LIPC: variants seen among roughly 807,000 people sequenced by gnomAD.
LIPC encodes the protein hepatic triacylglycerol lipase.
Under a neutral mutation model 50.7 loss-of-function variants are expected in LIPC, and 44 were observed. The observed-to-expected ratio is 0.87, with a 90% confidence interval of 0.68 to 1.11. The LOEUF (loss-of-function observed/expected upper bound fraction) is 1.11, where lower values mean the gene tolerates loss of function less well. Among genes scored for constraint, LIPC ranks in the 50% most tolerant of loss-of-function variants. The pLI is 0.00. For missense variants in LIPC, 697 were observed against 648.2 expected (o/e 1.08, Z -0.82); for synonymous variants, 271 against 256.4 (o/e 1.06, Z -0.54).
At chr15:58,547,079 T>G (rs1893556691) in intron 5 of LIPC, among the ~76,000 whole-genome samples, 1 of 152,180 alleles carries the variant, frequency 6.6e-6, no homozygotes, top group Non-Finnish European at 1.5e-5. Flanking sequence ...ATTTTCCTGG[T>G]AAACACATTT....
intron 6 of LIPC, 82 bp downstream of exon 6, chr15:58,548,654 T>C (rs1255552337): frequency 6.6e-6 from 10 of 1,512,518 alleles, no homozygotes; most frequent in Non-Finnish European, 8.9e-6. Context: ...TTGGCTTCTT[T>C]CCTGGAGGTG....
At chr15:58,479,736 G>A (rs1052973159) in intron 1 of LIPC, among the ~76,000 whole-genome samples, 3 of 152,184 alleles carry the variant, frequency 2.0e-5, no homozygotes, top group Non-Finnish European at 4.4e-5. Context: ...CAGGTGTGGT[G>A]CCCAATTCAT....
intron 1 of LIPC, among the ~76,000 whole-genome samples, chr15:58,488,904 A>G (rs1891470306): frequency 6.6e-6 from 1 of 152,172 alleles, no homozygotes; most frequent in African/African-American, 2.4e-5. Flanking sequence ...GTTCTGGTTT[A>G]ATCACTAAAT....
At position 58,541,901 on chromosome 15, in the gene LIPC, C is replaced by T; in HGVS notation, c.390C>T (p.Tyr130=). The part of the protein sequence containing the change: ...VDWITLAHDH[Y]TIAVRNTRLV... ...GGATCACCCTGGCCCACGACCACTA[C>T]ACCATCGCCGTCCGCAACACCCGCC... is the stretch of plus-strand genomic sequence containing the variant. Residue 130 remains tyrosine, a synonymous_variant, in exon 3 of 9, where the codon TAC becomes TAT. Transcript: ENST00000299022. 1 of 1,612,104 alleles carries T rather than the reference C, an allele frequency of 6.2e-7. No homozygotes were observed. The highest frequency in any genetic ancestry group is 8.5e-7 in the Non-Finnish European group (1 of 1,179,978).
At chr15:58,439,961 T>C (rs145530763) in intron 1 of LIPC, among the ~76,000 whole-genome samples, 1 of 152,094 alleles carries the variant, frequency 6.6e-6, no homozygotes, top group Non-Finnish European at 1.5e-5. Flanking sequence ...AACACGAGGC[T>C]ACAGGGCAAA....
intron 5 of LIPC, 57 bp from the exon 6 acceptor site, chr15:58,548,273 G>A: frequency 1.2e-6 from 2 of 1,612,860 alleles, no homozygotes; most frequent in Admixed American, 3.3e-5. Context: ...GTGATCCTCT[G>A]AGTTGAGGCT....
intron 1 of LIPC, among the ~76,000 whole-genome samples, chr15:58,509,599 T>G (rs1485851650): frequency 6.6e-6 from 1 of 151,212 alleles, no homozygotes; most frequent in Non-Finnish European, 1.5e-5. Context: ...AACACAATCT[T>G]TATTCTTTTT....
chr15:58,451,280 C>T (rs575356265), intron 1 of LIPC, among the ~76,000 whole-genome samples: 3 of 152,170 alleles, frequency 2.0e-5, no homozygotes, highest in African/African-American at 7.2e-5. Flanking sequence ...TAATTGTATT[C>T]GTTGAGACTT....
chr15:58,544,772 C>T (rs1240602792), intron 4 of LIPC, among the ~76,000 whole-genome samples: 1 of 152,132 alleles, frequency 6.6e-6, no homozygotes, highest in African/African-American at 2.4e-5. Context: ...AATTCCTTCG[C>T]CCCCCAAGTA....
chr15:58,563,343 AC>A (rs1894233193), intron 7 of LIPC, among the ~76,000 whole-genome samples, 161 bp from the exon 8 acceptor site: 1 of 152,184 alleles, frequency 6.6e-6, no homozygotes, highest in African/African-American at 2.4e-5. Flanking sequence ...ATCCTGGCAC[AC>A]CTACTGCTAA....
At chr15:58,545,602 T>G in intron 4 of LIPC, 140 bp from the exon 5 acceptor site, 1 of 714,192 alleles carries the variant, frequency 1.4e-6, no homozygotes, top group Non-Finnish European at 2.4e-6. Context: ...TACGGCGAGG[T>G]TTTCTAGGGA....
chr15:58,503,576 G>C (rs1352073346), intron 1 of LIPC, among the ~76,000 whole-genome samples: 5 of 152,208 alleles, frequency 3.3e-5, no homozygotes, highest in Non-Finnish European at 7.3e-5. Flanking sequence ...GCAGCACCCT[G>C]TGAGTGTCTC....
intron 1 of LIPC, among the ~76,000 whole-genome samples, chr15:58,458,070 C>T (rs1435528080): frequency 6.6e-6 from 1 of 151,928 alleles, no homozygotes; most frequent in African/African-American, 2.4e-5. Context: ...AATTAAATGG[C>T]AAAAGTCCTT....
At chr15:58,523,260 G>A (rs1892707239) in intron 1 of LIPC, 1 of 152,504 alleles carries the variant, frequency 6.6e-6, no homozygotes, top group African/African-American at 2.4e-5. Flanking sequence ...TTCTGCCAGA[G>A]ATGAAGCAGC....
At chr15:58,560,130 C>A (rs1406146415) in intron 6 of LIPC, among the ~76,000 whole-genome samples, 1 of 152,158 alleles carries the variant, frequency 6.6e-6, no homozygotes, top group Non-Finnish European at 1.5e-5. Flanking sequence ...TTAACAACGC[C>A]TGTCTAATAG....
intron 1 of LIPC, among the ~76,000 whole-genome samples, chr15:58,440,207 T>C (rs372779375): frequency 1.3e-5 from 2 of 152,232 alleles, no homozygotes; most frequent in South Asian, 2.1e-4. Flanking sequence ...AAAATAATCA[T>C]TGCAAAAGCT....
At chr15:58,512,918 GC>G (rs1892373318) in intron 1 of LIPC, among the ~76,000 whole-genome samples, 1 of 150,154 alleles carries the variant, frequency 6.7e-6, no homozygotes, top group Non-Finnish European at 1.5e-5. Flanking sequence ...CAAGACCTCC[GC>G]CTTTCATCTC....
chr15:58,436,698 G>T (rs564121304), intron 1 of LIPC: 1 of 456,112 alleles, frequency 2.2e-6, no homozygotes, highest in Non-Finnish European at 4.4e-6. Flanking sequence ...AACATGGCAT[G>T]AGATGAGGAC....
intron 3 of LIPC, among the ~76,000 whole-genome samples, chr15:58,542,223 T>C (rs1245451576): frequency 6.6e-6 from 1 of 152,074 alleles, no homozygotes; most frequent in Non-Finnish European, 1.5e-5. Flanking sequence ...CCCTTAGACA[T>C]GCTAAGGGAT....
Sources: allele counts gnomAD v4.1 joint callset (sites outside exome capture counted in the v4.1 genomes callset), GRCh38; gene constraint gnomAD v4.1.1; transcripts MANE v1.5; gene names NCBI Gene and HGNC (gene_info 2026-07-23, HGNC 2026-07-21).